The following DLG1 variants were observed in gnomAD, a reference collection of about 807,000 sequenced individuals.
The protein encoded by DLG1 is discs large MAGUK scaffold protein 1, also known as disks large homolog 1.
Under a neutral mutation model 123.4 loss-of-function variants are expected in DLG1, and 42 were observed. That is an observed-to-expected ratio of 0.34 (90% CI 0.27 to 0.44). The LOEUF (loss-of-function observed/expected upper bound fraction) is 0.44. Ranked by LOEUF, DLG1 falls within the 20% of genes least tolerant of loss-of-function variation. The pLI is 1.00. For missense variants in DLG1, 942 were observed against 1,082.6 expected (o/e 0.87, Z 1.82); for synonymous variants, 317 against 356.2 (o/e 0.89, Z 1.24).
intron 4 of DLG1, among the ~76,000 whole-genome samples, chr3:197,272,880 T>A (rs1482883288): frequency 6.6e-6 from 1 of 152,218 alleles, no homozygotes; most frequent in East Asian, 1.9e-4. Flanking sequence ...TCTGGGGTAC[T>A]GGTATTTTTC....
At chr3:197,178,241 G>T (rs917305273) in intron 5 of DLG1, among the ~76,000 whole-genome samples, 2 of 152,128 alleles carry the variant, frequency 1.3e-5, no homozygotes, top group African/African-American at 4.8e-5. Flanking sequence ...ACATATTATT[G>T]AATCAGTAGT....
chr3:197,172,044 A>G (rs962467699), intron 5 of DLG1, among the ~76,000 whole-genome samples: 1 of 152,020 alleles, frequency 6.6e-6, no homozygotes, highest in African/African-American at 2.4e-5. Context: ...CACATTTTCT[A>G]TTGTTTCTTT....
At chr3:197,075,733 C>T in intron 18 of DLG1, 1 of 960,848 alleles carries the variant, frequency 1.0e-6, no homozygotes, top group Non-Finnish European at 1.6e-6. Flanking sequence ...TCATACACCT[C>T]CTTATGCCAG....
chr3:197,069,039 C>A (rs975024968), intron 19 of DLG1, among the ~76,000 whole-genome samples, 180 bp downstream of exon 19: 2 of 151,804 alleles, frequency 1.3e-5, no homozygotes, highest in African/African-American at 2.4e-5. Context: ...TATAAATTAA[C>A]CTCTACATAT....
At chr3:197,230,512 GTTA>G (rs1045148280) in intron 4 of DLG1, among the ~76,000 whole-genome samples, 13 of 152,220 alleles carry the variant, frequency 8.5e-5, no homozygotes, top group African/African-American at 3.1e-4. Context: ...CAAATGCTGA[GTTA>G]TTGTTACTAT....
At chr3:197,065,482 T>C in intron 21 of DLG1, 34 bp from the exon 22 acceptor site, 1 of 1,521,260 alleles carries the variant, frequency 6.6e-7, no homozygotes, top group Non-Finnish European at 8.8e-7. Flanking sequence ...AAGTGTTTAA[T>C]ATTAAAAAAA....
At chr3:197,211,827 T>C (rs1173104262) in intron 4 of DLG1, among the ~76,000 whole-genome samples, 1 of 146,058 alleles carries the variant, frequency 6.8e-6, no homozygotes, top group Non-Finnish European at 1.5e-5. Flanking sequence ...GCAGCACTAC[T>C]CACAATAGCA....
At chr3:197,114,562 T>C (rs1158555590) in intron 13 of DLG1, among the ~76,000 whole-genome samples, 2 of 152,244 alleles carry the variant, frequency 1.3e-5, no homozygotes, top group Non-Finnish European at 2.9e-5. Context: ...TAAGGAACCA[T>C]TGCTGAAAGC....
intron 5 of DLG1, among the ~76,000 whole-genome samples, chr3:197,165,624 G>C (rs549708816): frequency 6.6e-6 from 1 of 152,270 alleles, no homozygotes; most frequent in South Asian, 2.1e-4. Flanking sequence ...AAAAAATTCT[G>C]AATTCCACAT....
intron 23 of DLG1, among the ~76,000 whole-genome samples, chr3:197,053,510 G>C (rs1346142805): frequency 3.9e-5 from 6 of 152,156 alleles, no homozygotes; most frequent in African/African-American, 1.4e-4. Flanking sequence ...GGTGGCTCAA[G>C]CCTGTAATCC....
At chr3:197,233,287 T>C (rs1342797582) in intron 4 of DLG1, among the ~76,000 whole-genome samples, 2 of 152,184 alleles carry the variant, frequency 1.3e-5, no homozygotes, top group Non-Finnish European at 2.9e-5. Flanking sequence ...TTAAAGATGA[T>C]TTAAATAAAT....
At chr3:197,184,125 A>G (rs1390485737) in intron 5 of DLG1, 6 of 1,114,082 alleles carry the variant, frequency 5.4e-6, no homozygotes, top group Non-Finnish European at 6.6e-6. Context: ...TTCTTTTGTT[A>G]GCTGATAACT....
chr3:197,088,845 C>A (rs998110175), intron 15 of DLG1, among the ~76,000 whole-genome samples: 1 of 152,154 alleles, frequency 6.6e-6, no homozygotes, highest in African/African-American at 2.4e-5. Context: ...TGAAGGGCTG[C>A]AGAAGAAAGG....
At chr3:197,162,861 C>T (rs546585463) in intron 5 of DLG1, among the ~76,000 whole-genome samples, 1 of 152,108 alleles carries the variant, frequency 6.6e-6, no homozygotes, top group Non-Finnish European at 1.5e-5. Context: ...TAGACTCTAA[C>T]AGAATTAAAA....
intron 5 of DLG1, among the ~76,000 whole-genome samples, chr3:197,179,599 G>T (rs967475328): frequency 1.3e-5 from 2 of 152,082 alleles, no homozygotes; most frequent in African/African-American, 4.8e-5. Flanking sequence ...AGAGTTAAAT[G>T]ATATAAAAAT....
chr3:197,190,558 G>A (rs1229594006), intron 5 of DLG1, among the ~76,000 whole-genome samples: 1 of 152,192 alleles, frequency 6.6e-6, no homozygotes, highest in Non-Finnish European at 1.5e-5. Flanking sequence ...TATAGTAGCC[G>A]TAATAGTGGT....
intron 18 of DLG1, among the ~76,000 whole-genome samples, chr3:197,072,173 G>A (rs892207632): frequency 1.3e-5 from 2 of 152,020 alleles, no homozygotes; most frequent in Non-Finnish European, 2.9e-5. Context: ...CTTCCCAACT[G>A]TAAGACATTT....
chr3:197,121,659 A>G (rs1284033757), intron 11 of DLG1, among the ~76,000 whole-genome samples: 1 of 151,808 alleles, frequency 6.6e-6, no homozygotes, highest in Non-Finnish European at 1.5e-5. Context: ...TTTATCTTCT[A>G]TAGTTCATGT....
rs750953804 is a variant in DLG1, at chr3:197,119,545, A to C, written c.1166-15T>G. On this transcript the variant is annotated splice_polypyrimidine_tract_variant and intron_variant, in intron 11 of 24. Coordinates refer to ENST00000667157, the MANE Select transcript of DLG1 (RefSeq NM_001366207.1). Reference sequence around the variant, plus strand: ...CTGAGAAGAAGCTTCAAAATAAACAAAGTGAAAAATACTTCAAACACGAAA... The same window carrying C: ...CTGAGAAGAAGCTTCAAAATAAACACAGTGAAAAATACTTCAAACACGAAA... The C allele has an allele frequency of 2.5e-6, 4 of 1,594,812 alleles. No homozygotes were observed. The Admixed American group carries it at 6.9e-5, about 28-fold the overall frequency.
Sources: gnomAD v4.1 joint callset for allele counts (sites outside exome capture counted in the v4.1 genomes callset) on GRCh38, gnomAD v4.1.1 for gene constraint, MANE v1.5 for transcripts, NCBI Gene and HGNC (gene_info 2026-07-23, HGNC 2026-07-21) for gene names.